CDH13: variants seen among roughly 807,000 people sequenced by gnomAD.
CDH13 encodes cadherin 13.
In CDH13, 24 loss-of-function variants were observed where a neutral mutation model predicts 63.8. The ratio of observed to expected loss-of-function variants is 0.38; its 90% CI spans 0.27 to 0.53. CDH13 has a LOEUF of 0.53. Among genes scored for constraint, CDH13 ranks in the 20% least tolerant of loss-of-function variants. The pLI is 0.85. For synonymous variants in CDH13, 503 were observed against 355.3 expected (o/e 1.42, Z -4.67); for missense variants, 1,049 against 903.1 (o/e 1.16, Z -2.07).
At chr16:82,977,337 C>G (rs941194908) in intron 2 of CDH13, among the ~76,000 whole-genome samples, 4 of 152,132 alleles carry the variant, frequency 2.6e-5, no homozygotes, top group African/African-American at 4.8e-5. Flanking sequence ...AGTCATTTTA[C>G]CATCAGCATT....
At chr16:82,828,993 G>T (rs2038395267) in intron 1 of CDH13, among the ~76,000 whole-genome samples, 1 of 152,112 alleles carries the variant, frequency 6.6e-6, no homozygotes, top group African/African-American at 2.4e-5. Context: ...CACAAGATTA[G>T]ATACCTTAGG....
At chr16:82,969,620 T>C (rs1043973537) in intron 2 of CDH13, among the ~76,000 whole-genome samples, 2 of 152,102 alleles carry the variant, frequency 1.3e-5, no homozygotes, top group African/African-American at 2.4e-5. Flanking sequence ...GAGTACATTA[T>C]AGAATGTTAG....
chr16:83,713,547 A>G (rs1476457329), intron 10 of CDH13, among the ~76,000 whole-genome samples: 4 of 152,156 alleles, frequency 2.6e-5, no homozygotes, highest in African/African-American at 9.7e-5. Flanking sequence ...TTTGTAGGTA[A>G]AAAGACGTGT....
At chr16:83,481,281 T>TA (rs1312868807) in intron 6 of CDH13, among the ~76,000 whole-genome samples, 9 of 152,290 alleles carry the variant, frequency 5.9e-5, no homozygotes, top group African/African-American at 1.9e-4. Context: ...TAGCATTTTG[T>TA]AAAAAATGAG....
intron 5 of CDH13, among the ~76,000 whole-genome samples, chr16:83,313,862 A>G (rs1258007062): frequency 6.6e-6 from 1 of 152,176 alleles, no homozygotes; most frequent in African/African-American, 2.4e-5. Context: ...ATGAGCTTTT[A>G]TAGGGTTTTA....
At chr16:83,152,164 A>C (rs1402143626) in intron 4 of CDH13, among the ~76,000 whole-genome samples, 2 of 152,204 alleles carry the variant, frequency 1.3e-5, no homozygotes, top group Non-Finnish European at 2.9e-5. Context: ...TACATACTCA[A>C]AACTGTGGGA....
chr16:82,737,948 A>G (rs899108092), intron 1 of CDH13, among the ~76,000 whole-genome samples: 4 of 152,288 alleles, frequency 2.6e-5, no homozygotes, highest in African/African-American at 9.6e-5. Flanking sequence ...ATGCCCCTCC[A>G]GTGTTTGTTG....
At chr16:83,410,064 G>C (rs1460817289) in intron 6 of CDH13, among the ~76,000 whole-genome samples, 1 of 152,152 alleles carries the variant, frequency 6.6e-6, no homozygotes, top group Non-Finnish European at 1.5e-5. Context: ...AAAGGTCCCT[G>C]AGAGTTCGGG....
At chr16:83,298,731 T>C (rs1355278998) in intron 5 of CDH13, among the ~76,000 whole-genome samples, 1 of 152,220 alleles carries the variant, frequency 6.6e-6, no homozygotes, top group Non-Finnish European at 1.5e-5. Context: ...GAGGCTCAGA[T>C]GGCCCCAGAG....
intron 6 of CDH13, among the ~76,000 whole-genome samples, chr16:83,371,434 C>G (rs1288136419): frequency 6.6e-6 from 1 of 152,144 alleles, no homozygotes; most frequent in African/African-American, 2.4e-5. Flanking sequence ...CCCTTTTCCT[C>G]TTTCTTGGCA....
chr16:83,500,232 TCC>T (rs2074240301), intron 7 of CDH13, among the ~76,000 whole-genome samples: 6 of 572 alleles, frequency 0.01, 1 homozygote, highest in Non-Finnish European at 0.14. Context: ...TTCTTTCTTC[TCC>T]TTCTTCTTCT....
chr16:82,971,374 G>T (rs569012552), intron 2 of CDH13, among the ~76,000 whole-genome samples: 30 of 152,114 alleles, frequency 2.0e-4, no homozygotes, highest in African/African-American at 7.2e-4. Flanking sequence ...CATCAACCCC[G>T]CACACTTGAA....
At chr16:83,009,830 A>G (rs1041698738) in intron 2 of CDH13, among the ~76,000 whole-genome samples, 1 of 152,164 alleles carries the variant, frequency 6.6e-6, no homozygotes, top group Non-Finnish European at 1.5e-5. Context: ...CTATCCCCAA[A>G]GATTCTGATT....
intron 6 of CDH13, among the ~76,000 whole-genome samples, chr16:83,418,598 C>T (rs945033505): frequency 2.6e-5 from 4 of 152,138 alleles, no homozygotes; most frequent in African/African-American, 9.7e-5. Flanking sequence ...TGGATCTGTA[C>T]AAACCAGGAT....
At position 83,783,438 on chromosome 16, in the gene CDH13, C is replaced by T. The variant is rs1164898101; in HGVS notation, c.2100C>T (p.Pro700=). 4 of 1,613,926 alleles carry T rather than the reference C, an allele frequency of 2.5e-6. No individual in the cohort carries two copies. The highest frequency in any genetic ancestry group is 2.7e-5 in the African/African-American group (2 of 75,046). ...NAAGALRFSL[P]SVLLLSLFSL... ...CAGGGGCCCTGCGCTTCAGCCTGCC[C>T]TCAGTCCTGCTCCTCAGCCTCTTCA... Residue 700 remains proline, a synonymous_variant, in exon 13 of 14, where the codon CCC becomes CCT. Coordinates refer to ENST00000567109, the MANE Select transcript of CDH13 (RefSeq NM_001257.5).
chr16:83,286,654 GC>G (rs1429886452), intron 5 of CDH13, among the ~76,000 whole-genome samples: 3 of 151,666 alleles, frequency 2.0e-5, no homozygotes, highest in South Asian at 2.1e-4. Flanking sequence ...TACTTGGGGG[GC>G]TGAGGCAGGA....
At chr16:83,577,213 T>C (rs1905142715) in intron 7 of CDH13, among the ~76,000 whole-genome samples, 1 of 152,174 alleles carries the variant, frequency 6.6e-6, no homozygotes, top group Non-Finnish European at 1.5e-5. Context: ...GATGTCTTCA[T>C]ATAGGAAGGG....
At chr16:83,413,672 C>T (rs1240371980) in intron 6 of CDH13, among the ~76,000 whole-genome samples, 4 of 152,156 alleles carry the variant, frequency 2.6e-5, no homozygotes, top group Non-Finnish European at 4.4e-5. Context: ...ACAGCCCTCC[C>T]TTACCTTGCC....
At chr16:82,808,017 T>C (rs1156560467) in intron 1 of CDH13, among the ~76,000 whole-genome samples, 1 of 152,154 alleles carries the variant, frequency 6.6e-6, no homozygotes, top group Non-Finnish European at 1.5e-5. Flanking sequence ...AGCGCAGTTC[T>C]TACTGAGCTC....
Sources: allele counts gnomAD v4.1 joint callset (sites outside exome capture counted in the v4.1 genomes callset), GRCh38; gene constraint gnomAD v4.1.1; transcripts MANE v1.5; gene names NCBI Gene and HGNC (gene_info 2026-07-23, HGNC 2026-07-21).